The following WWOX variants were observed in gnomAD, a reference collection of about 807,000 sequenced individuals.
WWOX encodes WW domain-containing oxidoreductase.
In WWOX, 69 loss-of-function variants were observed where a neutral mutation model predicts 46.2. The observed-to-expected ratio is 1.49, with a 90% confidence interval of 1.23 to 1.82. The LOEUF (loss-of-function observed/expected upper bound fraction) is 1.82. WWOX is among the 40% of genes most tolerant of loss of function. WWOX has a pLI of 0.00. For synonymous variants in WWOX, 359 were observed against 202.6 expected, an observed-to-expected ratio of 1.77 and a Z score of -6.56; for missense variants, 919 against 542.6, an observed-to-expected ratio of 1.69 and a Z score of -6.89.
intron 8 of WWOX, among the ~76,000 whole-genome samples, chr16:78,558,632 G>A (rs910076184): frequency 4.6e-5 from 7 of 152,202 alleles, no homozygotes; most frequent in Non-Finnish European, 8.8e-5. Context: ...GAGCTTGCCT[G>A]CTTACACCTA....
intron 8 of WWOX, among the ~76,000 whole-genome samples, chr16:78,946,916 T>G (rs1022724542): frequency 3.9e-5 from 6 of 152,100 alleles, no homozygotes; most frequent in Non-Finnish European, 5.9e-5. Context: ...GTAGGATAGT[T>G]TCCCTTCCTG....
At chr16:78,245,808 C>G (rs1003712453) in intron 5 of WWOX, among the ~76,000 whole-genome samples, 6 of 152,180 alleles carry the variant, frequency 3.9e-5, no homozygotes, top group African/African-American at 1.2e-4. Flanking sequence ...TCGACAATAG[C>G]TGAGACCCAA....
In WWOX at chr16:78,849,405, A is replaced by G. The variant is rs1020952173; in HGVS notation, c.1057-362203A>G. Among the ~76,000 whole-genome samples the G allele has an allele frequency of 1.1e-4, 16 of 151,740 alleles. No homozygotes were observed. In the East Asian group the frequency reaches 1.4e-3, roughly 13 times the overall value. On this transcript the variant is annotated intron_variant, in intron 8 of 8. Transcript: ENST00000566780. ...GCTAACACGGTGAAACCCCATCTCTATTAAAAATACAAAAAAAAATTAGCC... is the reference window on the plus strand; with the variant it reads ...GCTAACACGGTGAAACCCCATCTCTGTTAAAAATACAAAAAAAAATTAGCC...
intron 8 of WWOX, among the ~76,000 whole-genome samples, chr16:78,639,518 G>T (rs372737478): frequency 7.2e-5 from 11 of 152,070 alleles, no homozygotes; most frequent in African/African-American, 2.2e-4. Flanking sequence ...ACCTGGTGGT[G>T]GGTGGGATGG....
At chr16:78,804,486 A>G (rs942697342) in intron 8 of WWOX, among the ~76,000 whole-genome samples, 7 of 152,168 alleles carry the variant, frequency 4.6e-5, no homozygotes, top group African/African-American at 1.2e-4. Flanking sequence ...TCCATTAGTC[A>G]TGCAAACAAG....
At chr16:78,745,461 G>A (rs2049326303) in intron 8 of WWOX, among the ~76,000 whole-genome samples, 1 of 151,142 alleles carries the variant, frequency 6.6e-6, no homozygotes, top group African/African-American at 2.4e-5. Context: ...TAGGTCAGAA[G>A]GACCCTATTT....
chr16:79,096,109 C>T (rs1208923438), intron 8 of WWOX, among the ~76,000 whole-genome samples: 1 of 147,140 alleles, frequency 6.8e-6, no homozygotes, highest in African/African-American at 2.5e-5. Context: ...CTCAACTGAT[C>T]CGCCTGCCTC....
At chr16:78,436,665 G>C (rs1484282196) in intron 8 of WWOX, among the ~76,000 whole-genome samples, 1 of 152,154 alleles carries the variant, frequency 6.6e-6, no homozygotes, top group Non-Finnish European at 1.5e-5. Flanking sequence ...CTCTGAGCTT[G>C]CTTGTCAAAT....
chr16:78,569,767 A>G (rs1795504728), intron 8 of WWOX, among the ~76,000 whole-genome samples: 1 of 152,128 alleles, frequency 6.6e-6, no homozygotes, highest in South Asian at 2.1e-4. Context: ...CTTATCTTGA[A>G]CCTTTTATCC....
chr16:78,437,648 C>A (rs901669935), intron 8 of WWOX, among the ~76,000 whole-genome samples: 2 of 152,184 alleles, frequency 1.3e-5, no homozygotes, highest in Admixed American at 1.3e-4. Flanking sequence ...TTTCTTCCTC[C>A]CTTCAATTTA....
intron 8 of WWOX, among the ~76,000 whole-genome samples, chr16:78,654,431 G>T (rs2047035873): frequency 6.6e-6 from 1 of 152,158 alleles, no homozygotes; most frequent in South Asian, 2.1e-4. Flanking sequence ...GAAAATGTTA[G>T]CAATATAGTA....
chr16:79,015,650 T>G (rs912503990), intron 8 of WWOX, among the ~76,000 whole-genome samples: 1 of 152,248 alleles, frequency 6.6e-6, no homozygotes, highest in African/African-American at 2.4e-5. Flanking sequence ...GGATTAGTCA[T>G]GTCCCTAGTC....
intron 8 of WWOX, among the ~76,000 whole-genome samples, chr16:78,736,226 C>A (rs2049088487): frequency 1.3e-5 from 2 of 152,148 alleles, no homozygotes. Flanking sequence ...ACACCTCAAA[C>A]TTGACCCGCT....
chr16:78,798,536 C>T (rs533580154), intron 8 of WWOX, among the ~76,000 whole-genome samples: 1 of 151,338 alleles, frequency 6.6e-6, no homozygotes, highest in South Asian at 2.1e-4. Flanking sequence ...TCTTATCATT[C>T]ACAAGCTTAG....
intron 8 of WWOX, among the ~76,000 whole-genome samples, chr16:78,812,064 T>G (rs2051203768): frequency 6.6e-6 from 1 of 152,124 alleles, no homozygotes; most frequent in African/African-American, 2.4e-5. Flanking sequence ...AGTAAGATCT[T>G]TCTGAAAAGG....
chr16:78,626,139 T>G (rs928876957), intron 8 of WWOX, among the ~76,000 whole-genome samples: 1 of 151,902 alleles, frequency 6.6e-6, no homozygotes, highest in East Asian at 1.9e-4. Context: ...TTTATTTTTT[T>G]TTTCTTTTTG....
intron 5 of WWOX, among the ~76,000 whole-genome samples, chr16:78,273,772 G>C (rs2079526826): frequency 6.6e-6 from 1 of 152,220 alleles, no homozygotes; most frequent in Non-Finnish European, 1.5e-5. Context: ...GGAGAAGGAA[G>C]GACAGAAGGC....
At chr16:78,915,169 C>T (rs1011254583) in intron 8 of WWOX, among the ~76,000 whole-genome samples, 7 of 152,088 alleles carry the variant, frequency 4.6e-5, no homozygotes, top group Admixed American at 2.6e-4. Flanking sequence ...TCTTCATGTG[C>T]CTCCCCATTC....
At chr16:78,708,140 A>G (rs534408293) in intron 8 of WWOX, among the ~76,000 whole-genome samples, 3 of 152,112 alleles carry the variant, frequency 2.0e-5, no homozygotes, top group Non-Finnish European at 4.4e-5. Context: ...GCAGTGAGCT[A>G]TGACTGCACC....
Sources: allele counts gnomAD v4.1 joint callset (sites outside exome capture counted in the v4.1 genomes callset), GRCh38; gene constraint gnomAD v4.1.1; transcripts MANE v1.5; gene names NCBI Gene and HGNC (gene_info 2026-07-23, HGNC 2026-07-21).